Variants in ADGRL4 observed in about 807,000 individuals in gnomAD.
The protein encoded by ADGRL4 is adhesion G protein-coupled receptor L4.
A neutral mutation model predicts 74.8 loss-of-function variants in ADGRL4; 90 were observed. That is an observed-to-expected ratio of 1.20 (90% CI 1.02 to 1.43). The LOEUF (loss-of-function observed/expected upper bound fraction) is 1.43, where lower values mean the gene tolerates loss of function less well. Ranked by LOEUF, ADGRL4 falls within the 40% of genes most tolerant of loss-of-function variation. The pLI, the probability that ADGRL4 is intolerant of heterozygous loss-of-function variation, is 0.00. For missense variants in ADGRL4, 881 were observed against 814.3 expected, an observed-to-expected ratio of 1.08 and a Z score of -1.00; for synonymous variants, 311 against 279.2, an observed-to-expected ratio of 1.11 and a Z score of -1.14.
intron 8 of ADGRL4, among the ~76,000 whole-genome samples, chr1:78,922,616 A>G (rs1472545662): frequency 6.6e-6 from 1 of 152,044 alleles, no homozygotes; most frequent in African/African-American, 2.4e-5. Context: ...AACTTGTAGA[A>G]ATAAAAACTA....
intron 2 of ADGRL4, among the ~76,000 whole-genome samples, chr1:78,990,243 AT>A (rs1043940253): frequency 5.9e-5 from 9 of 151,804 alleles, no homozygotes; most frequent in Admixed American, 2.0e-4. Context: ...TTTATTTTTA[AT>A]TGTACTCTCT....
intron 2 of ADGRL4, among the ~76,000 whole-genome samples, chr1:78,949,097 C>T (rs566599595): frequency 1.4e-4 from 22 of 151,818 alleles, no homozygotes; most frequent in Non-Finnish European, 2.8e-4. Flanking sequence ...ATATAGAGGA[C>T]GATGAGGATT....
At chr1:78,999,481 G>C (rs1054419659) in intron 2 of ADGRL4, among the ~76,000 whole-genome samples, 2 of 152,156 alleles carry the variant, frequency 1.3e-5, no homozygotes, top group Non-Finnish European at 1.5e-5. Flanking sequence ...GCTGAGGCGG[G>C]AGAATGGCGT....
chr1:78,986,417 G>C lies in ADGRL4; in HGVS notation c.172+18653C>G, dbSNP rs555731905. 1.5e-4 allele frequency among the ~76,000 whole-genome samples: 22 copies of C among 151,624 alleles called. No homozygotes were observed. The South Asian group carries it at 4.0e-3, about 27-fold the overall frequency. On this transcript the variant is annotated intron_variant, in intron 2 of 14. Coordinates refer to ENST00000370742, the MANE Select transcript of ADGRL4 (RefSeq NM_022159.4). Reference sequence around the variant, plus strand: ...GAGCTCAAAACCAGTTTAGGCAACAGAGTCAGACCCTGTCTCCATGAAATA... The same window carrying C: ...GAGCTCAAAACCAGTTTAGGCAACACAGTCAGACCCTGTCTCCATGAAATA...
rs1465261035 is a variant in ADGRL4 at position 78,938,004 on chromosome 1, G to C, written c.577-14C>G. The C allele has an allele frequency of 6.2e-7, 1 of 1,607,392 alleles. No individual in the cohort carries two copies. Among genetic ancestry groups the C allele is most frequent in the Admixed American group, 1.7e-5 (1 of 58,338 alleles). On this transcript the variant is annotated splice_polypyrimidine_tract_variant and intron_variant, in intron 5 of 14. Coordinates refer to ENST00000370742, the MANE Select transcript of ADGRL4 (RefSeq NM_022159.4). Reference sequence around the variant, plus strand: ...TTTTACAAATTCCTATTGAAAAAAAGTATGTCTTTTAGAAATGTTGGAATC... The same window carrying C: ...TTTTACAAATTCCTATTGAAAAAAACTATGTCTTTTAGAAATGTTGGAATC...
chr1:78,993,711 G>A (rs1650658962), intron 2 of ADGRL4, among the ~76,000 whole-genome samples: 1 of 151,982 alleles, frequency 6.6e-6, no homozygotes, highest in African/African-American at 2.4e-5. Context: ...TGGGACTACA[G>A]GTGCCCACCA....
chr1:78,964,228 C>G (rs80192330), intron 2 of ADGRL4, among the ~76,000 whole-genome samples: 1 of 152,204 alleles, frequency 6.6e-6, no homozygotes, highest in East Asian at 1.9e-4. Flanking sequence ...TGTTCAAGAT[C>G]AGAGTGATCC....
At chr1:78,992,390 T>C (rs1650623921) in intron 2 of ADGRL4, among the ~76,000 whole-genome samples, 1 of 152,070 alleles carries the variant, frequency 6.6e-6, no homozygotes, top group African/African-American at 2.4e-5. Context: ...CAGCATTACC[T>C]TGCAATAAAT....
chr1:78,985,591 A>G (rs564843373), intron 2 of ADGRL4, among the ~76,000 whole-genome samples: 15 of 151,970 alleles, frequency 9.9e-5, no homozygotes, highest in Admixed American at 2.6e-4. Flanking sequence ...ATAATCTCTC[A>G]TTTATCATCT....
intron 12 of ADGRL4, among the ~76,000 whole-genome samples, chr1:78,902,381 C>A (rs1346611774): frequency 6.6e-6 from 1 of 152,068 alleles, no homozygotes; most frequent in East Asian, 1.9e-4. Context: ...CATTCTTTGC[C>A]TTACTATTAT....
chr1:78,920,481 A>G (rs910061288), intron 9 of ADGRL4, 95 bp from the exon 10 acceptor site: 4 of 707,308 alleles, frequency 5.7e-6, no homozygotes, highest in Non-Finnish European at 6.7e-6. Context: ...TTGGTGAAAC[A>G]TTAATCAAAA....
At chr1:78,979,555 C>T (rs979245865) in intron 2 of ADGRL4, among the ~76,000 whole-genome samples, 3 of 151,882 alleles carry the variant, frequency 2.0e-5, no homozygotes, top group Non-Finnish European at 4.4e-5. Context: ...TGGGTATCTG[C>T]CCAAAGGAAA....
chr1:78,937,505 T>A (rs556070639), intron 6 of ADGRL4, among the ~76,000 whole-genome samples: 1 of 152,128 alleles, frequency 6.6e-6, no homozygotes, highest in Non-Finnish European at 1.5e-5. Context: ...TAACAAGTCA[T>A]GAGATGATGG....
chr1:78,947,892 G>T (rs1226872315), intron 2 of ADGRL4, among the ~76,000 whole-genome samples: 3 of 152,088 alleles, frequency 2.0e-5, no homozygotes, highest in African/African-American at 4.8e-5. Context: ...AGGGTGAGTT[G>T]TGTAGCATTT....
chr1:78,965,259 A>G (rs1277134206), intron 2 of ADGRL4, among the ~76,000 whole-genome samples: 1 of 152,180 alleles, frequency 6.6e-6, no homozygotes, highest in African/African-American at 2.4e-5. Context: ...TTTGTATGAT[A>G]CTTTGTTATA....
chr1:78,956,570 T>C (rs914890467), intron 2 of ADGRL4, among the ~76,000 whole-genome samples: 5 of 152,216 alleles, frequency 3.3e-5, no homozygotes, highest in Admixed American at 2.0e-4. Flanking sequence ...TGCAAATCTC[T>C]CAATCTGTTC....
intron 2 of ADGRL4, among the ~76,000 whole-genome samples, chr1:79,000,856 T>G (rs1650825613): frequency 6.6e-6 from 1 of 152,142 alleles, no homozygotes; most frequent in Non-Finnish European, 1.5e-5. Context: ...TTAAACAAAT[T>G]TGATACATGA....
At chr1:78,942,498 T>C (rs1193769569) in intron 3 of ADGRL4, among the ~76,000 whole-genome samples, 1 of 152,208 alleles carries the variant, frequency 6.6e-6, no homozygotes, top group Non-Finnish European at 1.5e-5. Flanking sequence ...GTTAGGTAAT[T>C]ATTTAAGTCA....
chr1:78,953,789 T>C (rs1044939706), intron 2 of ADGRL4, among the ~76,000 whole-genome samples: 1 of 152,218 alleles, frequency 6.6e-6, no homozygotes, highest in Non-Finnish European at 1.5e-5. Flanking sequence ...TGTGTGATCA[T>C]GAACACATAA....
Sources: allele counts gnomAD v4.1 joint callset (sites outside exome capture counted in the v4.1 genomes callset), GRCh38; gene constraint gnomAD v4.1.1; transcripts MANE v1.5; gene names NCBI Gene and HGNC (gene_info 2026-07-23, HGNC 2026-07-21).